Variants in AGTPBP1 observed in about 807,000 individuals in gnomAD.
AGTPBP1 encodes the protein ATP/GTP binding carboxypeptidase 1, also known as cytosolic carboxypeptidase 1.
In AGTPBP1, 70 loss-of-function variants were observed where a neutral mutation model predicts 143.9. The observed-to-expected ratio is 0.49, with a 90% CI of 0.40 to 0.59. AGTPBP1 has a LOEUF of 0.59. AGTPBP1 is among the 20% of genes least tolerant of loss of function. AGTPBP1 has a pLI of 0.00. For missense variants in AGTPBP1, 1,229 were observed against 1,464.5 expected (o/e 0.84, Z 2.62); for synonymous variants, 463 against 500.2 (o/e 0.93, Z 0.99).
intron 24 of AGTPBP1, among the ~76,000 whole-genome samples, chr9:85,576,984 T>C (rs770829106): frequency 2.6e-5 from 4 of 152,030 alleles, no homozygotes; most frequent in Non-Finnish European, 4.4e-5. Flanking sequence ...TAAAAGTTTA[T>C]ATATTTATAT....
chr9:85,707,959 T>C (rs1480891860), intron 2 of AGTPBP1, among the ~76,000 whole-genome samples: 1 of 152,154 alleles, frequency 6.6e-6, no homozygotes, highest in Non-Finnish European at 1.5e-5. Context: ...AAATACCTAA[T>C]GTAGGTGACG....
chr9:85,753,719 T>A, the AGTPBP1 span, among the ~76,000 whole-genome samples: 2 of 151,724 alleles, frequency 1.3e-5, no homozygotes, highest in Non-Finnish European at 2.9e-5. Flanking sequence ...GCCACTGCAC[T>A]CCAGCCTGGG....
intron 13 of AGTPBP1, among the ~76,000 whole-genome samples, chr9:85,635,311 A>G (rs1831968827): frequency 6.6e-6 from 1 of 152,196 alleles, no homozygotes; most frequent in Non-Finnish European, 1.5e-5. Flanking sequence ...TCCACTGTAT[A>G]CAAAGCAAGG....
intron 1 of AGTPBP1, among the ~76,000 whole-genome samples, chr9:85,729,009 C>T (rs1054154947): frequency 6.6e-6 from 1 of 152,054 alleles, no homozygotes; most frequent in Non-Finnish European, 1.5e-5. Flanking sequence ...TTCACACCAA[C>T]CTAAATAAAT....
At chr9:85,770,413 G>A in the AGTPBP1 span, 1 of 1,603,294 alleles carries the variant, frequency 6.2e-7, no homozygotes, top group African/African-American at 1.3e-5. Flanking sequence ...CTCTCGTGGT[G>A]AAGCAAATGT....
intron 3 of AGTPBP1, among the ~76,000 whole-genome samples, chr9:85,692,078 A>G (rs1451963514): frequency 6.6e-6 from 1 of 152,088 alleles, no homozygotes; most frequent in Non-Finnish European, 1.5e-5. Context: ...CATAATAACC[A>G]ATATTCTATG....
intron 3 of AGTPBP1, among the ~76,000 whole-genome samples, chr9:85,691,750 A>G (rs1042808010): frequency 2.0e-5 from 3 of 152,166 alleles, no homozygotes; most frequent in South Asian, 2.1e-4. Flanking sequence ...TTAATTCCCT[A>G]AAGTTTTATT....
intron 17 of AGTPBP1, among the ~76,000 whole-genome samples, chr9:85,604,347 T>C (rs1214690605): frequency 6.6e-6 from 1 of 152,224 alleles, no homozygotes; most frequent in African/African-American, 2.4e-5. Flanking sequence ...AATTATCTTG[T>C]ATCTCACCGA....
intron 9 of AGTPBP1, among the ~76,000 whole-genome samples, chr9:85,658,116 C>T (rs1353680964): frequency 2.0e-5 from 3 of 152,054 alleles, no homozygotes; most frequent in African/African-American, 7.2e-5. Flanking sequence ...ATTGTAGCTT[C>T]TATTGCAAAC....
rs540688849 is a variant in AGTPBP1, at chr9:85,670,548, T to A, written c.569-970A>T. 7.2e-5 allele frequency among the ~76,000 whole-genome samples: 11 copies of A among 152,304 alleles called. No homozygotes were observed. The South Asian group carries it at 2.1e-3, about 29-fold the overall frequency. ...ACCAGAAAACTGTGCTAAACATTTT[T>A]AATTCTGAACAGATGTTATTAAATA... On this transcript the variant is annotated intron_variant, in intron 7 of 25. Coordinates refer to ENST00000357081, the MANE Select transcript of AGTPBP1 (RefSeq NM_001330701.2).
intron 17 of AGTPBP1, among the ~76,000 whole-genome samples, chr9:85,608,471 T>G (rs1239331580): frequency 6.6e-6 from 1 of 152,062 alleles, no homozygotes; most frequent in Non-Finnish European, 1.5e-5. Flanking sequence ...TACATCTAAA[T>G]GTCAAATGTC....
At chr9:85,796,825 C>G in the AGTPBP1 span, among the ~76,000 whole-genome samples, 1,150 of 152,258 alleles carry the variant, frequency 7.6e-3, 11 homozygotes, top group African/African-American at 0.026. Flanking sequence ...CTTGCTCTGT[C>G]AACCAGGCCA....
At chr9:85,618,874 A>G in intron 17 of AGTPBP1, 109 bp downstream of exon 17, 1 of 1,206,784 alleles carries the variant, frequency 8.3e-7, no homozygotes, top group East Asian at 2.5e-5. Flanking sequence ...ACTAGAGAAA[A>G]CAAGACACTG....
rs1390985274 is a variant in AGTPBP1 at position 85,547,114 on chromosome 9, G to T, written c.3676C>A (p.Pro1226Thr). 2 of 1,603,660 alleles carry T rather than the reference G, an allele frequency of 1.2e-6. No homozygotes were observed. Among genetic ancestry groups the T allele is most frequent in the African/African-American group, 2.7e-5 (2 of 74,280 alleles). ...AACAAGAGATGGCAGCGGGCTCAAG[G>T]TAGGTATGTTCTTGATAATTCAGAG... ...SDSELSRTYL[P>T] The change falls in exon 26 of 26, where the codon CCT (proline) becomes ACT (threonine). Residue 1226 changes from proline to threonine, a missense_variant. Around this residue, in one of 2 missense-constraint regions of AGTPBP1, gnomAD observed 486 missense variants for 652.3 expected, o/e 0.75. Transcript: ENST00000357081.
intron 8 of AGTPBP1, among the ~76,000 whole-genome samples, chr9:85,667,232 TG>T (rs1834184079): frequency 6.6e-6 from 1 of 152,148 alleles, no homozygotes; most frequent in African/African-American, 2.4e-5. Context: ...GTAACTATGT[TG>T]TCATCCCACC....
the AGTPBP1 span, among the ~76,000 whole-genome samples, chr9:85,790,893 TA>T: frequency 6.6e-6 from 1 of 152,178 alleles, no homozygotes; most frequent in East Asian, 1.9e-4. Flanking sequence ...GAAAATTAAA[TA>T]TTTTTTTAAA....
intron 1 of AGTPBP1, among the ~76,000 whole-genome samples, chr9:85,728,290 C>G (rs1310527738): frequency 6.6e-6 from 1 of 151,908 alleles, no homozygotes; most frequent in African/African-American, 2.4e-5. Context: ...AGGAAGGAAC[C>G]CTTTCTCTGA....
At chr9:85,617,685 C>T (rs532541461) in intron 17 of AGTPBP1, among the ~76,000 whole-genome samples, 91 of 151,710 alleles carry the variant, frequency 6.0e-4, no homozygotes, top group East Asian at 7.7e-4. Flanking sequence ...ACTAGTTCTT[C>T]GAAACAGCCC....
chr9:85,689,653 G>T (rs1835712198), intron 3 of AGTPBP1, among the ~76,000 whole-genome samples: 2 of 151,970 alleles, frequency 1.3e-5, no homozygotes, highest in East Asian at 3.9e-4. Flanking sequence ...CCAGCACTGT[G>T]GGAGGCCGAG....
Sources: allele counts gnomAD v4.1 joint callset (sites outside exome capture counted in the v4.1 genomes callset), GRCh38; gene constraint gnomAD v4.1.1; regional missense constraint gnomAD v4.1.1; transcripts MANE v1.5; gene names NCBI Gene and HGNC (gene_info 2026-07-23, HGNC 2026-07-21).